MTMR8: variants seen among roughly 807,000 people sequenced by gnomAD.
MTMR8 encodes phosphatidylinositol-3,5-bisphosphate 3-phosphatase MTMR8.
A neutral mutation model predicts 39.3 loss-of-function variants in MTMR8; 65 were observed. The observed-to-expected ratio is 1.65, with a 90% CI of 1.35 to 2.03. The LOEUF (loss-of-function observed/expected upper bound fraction) is 2.03. MTMR8 is among the 30% of genes most tolerant of loss of function. The pLI is 0.00. For synonymous variants in MTMR8, 245 were observed against 185.2 expected (o/e 1.32, Z -2.62); for missense variants, 777 against 538.9 (o/e 1.44, Z -4.37).
intron 12 of MTMR8, among the ~76,000 whole-genome samples, chrX:64,271,744 G>A (rs1931767102): frequency 8.9e-6 from 1 of 112,104 alleles, no homozygotes. Context: ...CTGTTTCAAA[G>A]AGTTGAAAGG....
intron 12 of MTMR8, among the ~76,000 whole-genome samples, chrX:64,279,262 C>T (rs759248756): frequency 3.6e-5 from 4 of 111,810 alleles, no homozygotes; most frequent in Middle Eastern, 8.5e-3. Flanking sequence ...CCAGAGTTAC[C>T]CTTATACCAA....
At chrX:64,280,780 A>T (rs1469483243) in intron 12 of MTMR8, among the ~76,000 whole-genome samples, 1 of 111,418 alleles carries the variant, frequency 9.0e-6, no homozygotes, top group Non-Finnish European at 1.9e-5. Context: ...TGACGACATG[A>T]TCCTATATCC....
At chrX:64,331,444 T>C in intron 11 of MTMR8, 113 bp downstream of exon 11, 1 of 619,756 alleles carries the variant, frequency 1.6e-6, no homozygotes, top group South Asian at 2.8e-5. Context: ...CTTTTTATTA[T>C]TGTTATCTCC....
intron 1 of MTMR8, among the ~76,000 whole-genome samples, chrX:64,382,094 T>G (rs1924441996): frequency 1.8e-5 from 2 of 111,773 alleles, no homozygotes; most frequent in South Asian, 7.5e-4. Context: ...TGGGCTCTTT[T>G]TTGGTTCCAT....
intron 12 of MTMR8, 41 bp downstream of exon 12, chrX:64,328,731 G>C: frequency 8.9e-7 from 1 of 1,122,339 alleles, no homozygotes; most frequent in East Asian, 3.2e-5. Flanking sequence ...TGAGACCCTG[G>C]GACCTGCTAT....
At chrX:64,313,027 G>C (rs1347343059) in intron 12 of MTMR8, among the ~76,000 whole-genome samples, 1 of 112,106 alleles carries the variant, frequency 8.9e-6, no homozygotes, top group Non-Finnish European at 1.9e-5. Flanking sequence ...AGGGCCCTAG[G>C]ATTTTTGGAA....
At chrX:64,364,473 T>C (rs1378189495) in intron 1 of MTMR8, among the ~76,000 whole-genome samples, 3 of 111,667 alleles carry the variant, frequency 2.7e-5, no homozygotes, top group Admixed American at 9.5e-5. Context: ...GCAAACAGGG[T>C]CTGGAGTGGA....
chrX:64,298,574 T>G (rs1161065243), intron 12 of MTMR8, among the ~76,000 whole-genome samples: 1 of 87,977 alleles, frequency 1.1e-5, no homozygotes, highest in Non-Finnish European at 1.9e-5. Flanking sequence ...CTTTATTTCC[T>G]TCTCCTGTCT....
chrX:64,322,168 G>T (rs769563128), intron 12 of MTMR8, among the ~76,000 whole-genome samples: 111 of 107,869 alleles, frequency 1.0e-3, no homozygotes, highest in Non-Finnish European at 2.0e-3. Context: ...CTCATTTTTT[G>T]ATTTTTTTTT....
At chrX:64,379,667 C>A (rs1403344898) in intron 1 of MTMR8, among the ~76,000 whole-genome samples, 2 of 111,461 alleles carry the variant, frequency 1.8e-5, no homozygotes, top group Admixed American at 1.9e-4. Flanking sequence ...TTAGGGCTCA[C>A]CCTAATGACA....
chrX:64,346,845 A>G (rs189229689), intron 6 of MTMR8, among the ~76,000 whole-genome samples: 1 of 111,216 alleles, frequency 9.0e-6, no homozygotes, highest in Admixed American at 9.6e-5. Flanking sequence ...CTTTAAAGAT[A>G]CAGACGCGAT....
chrX:64,370,474 A>G (rs1012029824), intron 1 of MTMR8, among the ~76,000 whole-genome samples: 1 of 111,696 alleles, frequency 9.0e-6, no homozygotes, highest in African/African-American at 3.3e-5. Context: ...TCCATGAGTC[A>G]TTAGCCCAAA....
chrX:64,359,540 G>A lies in MTMR8; in HGVS notation c.25-13C>T, dbSNP rs1923722111. ...TCACGTTTTCTACCTGTTATTGGAG[G>A]AAAAAATACTGAATAAGTTACCAAC... On this transcript the variant is annotated splice_polypyrimidine_tract_variant and intron_variant, in intron 1 of 13. Coordinates refer to ENST00000374852, the MANE Select transcript of MTMR8 (RefSeq NM_017677.4). 2.5e-6 allele frequency: 3 copies of A among 1,190,501 alleles called. No homozygotes were observed. Among genetic ancestry groups the A allele is most frequent in the Non-Finnish European group, 3.4e-6 (3 of 883,038 alleles).
At chrX:64,284,945 T>A (rs1207714370) in intron 12 of MTMR8, among the ~76,000 whole-genome samples, 1 of 111,819 alleles carries the variant, frequency 8.9e-6, no homozygotes, top group African/African-American at 3.2e-5. Flanking sequence ...GCTAACATCA[T>A]AACGACAGGA....
chrX:64,355,832 C>G (rs1923608887), intron 3 of MTMR8, among the ~76,000 whole-genome samples: 1 of 111,308 alleles, frequency 9.0e-6, no homozygotes, highest in South Asian at 3.8e-4. Context: ...AACAAATTTT[C>G]TTCCAAAGCA....
At position 64,268,490 on chromosome X, in the gene MTMR8, A is replaced by G. The variant is rs773328888; in HGVS notation, c.*47T>C. On this transcript the variant is annotated 3_prime_UTR_variant, in exon 14 of 14. Transcript: ENST00000374852. ...CATAGCCCTCTCTGGGACAAGAATCATTGTAGCTGCTGTAGGTATACCTAG... is the reference window on the plus strand; with the variant it reads ...CATAGCCCTCTCTGGGACAAGAATCGTTGTAGCTGCTGTAGGTATACCTAG... 2.6e-6 allele frequency: 3 copies of G among 1,154,859 alleles called. No individual in the cohort carries two copies. The highest frequency in any genetic ancestry group is 3.6e-5 in the African/African-American group (2 of 55,199).
intron 1 of MTMR8, among the ~76,000 whole-genome samples, chrX:64,390,142 A>C (rs1924657764): frequency 8.9e-6 from 1 of 112,164 alleles, no homozygotes; most frequent in South Asian, 3.7e-4. Flanking sequence ...TAGAATGAAA[A>C]CCAAAGCCAT....
intron 1 of MTMR8, among the ~76,000 whole-genome samples, chrX:64,381,991 G>A (rs1430361930): frequency 8.9e-6 from 1 of 111,791 alleles, no homozygotes; most frequent in Non-Finnish European, 1.9e-5. Context: ...GTACCATGCT[G>A]TTTTGGTTAT....
intron 11 of MTMR8, 23 bp from the exon 12 acceptor site, chrX:64,328,923 CA>C (rs1178084061): frequency 8.5e-6 from 10 of 1,174,324 alleles, no homozygotes; most frequent in African/African-American, 5.5e-5. Context: ...AAAAACAAGC[CA>C]AAAAATTAAA....
Sources: gnomAD v4.1 joint callset for allele counts (sites outside exome capture counted in the v4.1 genomes callset) on GRCh38, gnomAD v4.1.1 for gene constraint, MANE v1.5 for transcripts, NCBI Gene and HGNC (gene_info 2026-07-23, HGNC 2026-07-21) for gene names.